Variants in VWC2L observed in about 807,000 individuals in gnomAD.
VWC2L encodes von Willebrand factor C domain containing 2 like.
In VWC2L, 10 loss-of-function variants were observed where a neutral mutation model predicts 21.6. The ratio of observed to expected loss-of-function variants is 0.46; its 90% CI spans 0.29 to 0.78. The LOEUF is 0.78. Ranked by LOEUF, VWC2L falls within the 30% of genes least tolerant of loss-of-function variation. VWC2L has a pLI of 0.10. For synonymous variants in VWC2L, 96 were observed against 94.3 expected (o/e 1.02, Z -0.10); for missense variants, 209 against 277.1 (o/e 0.75, Z 1.74).
intron 3 of VWC2L, among the ~76,000 whole-genome samples, chr2:214,555,999 T>C (rs781474145): frequency 6.6e-6 from 1 of 152,178 alleles, no homozygotes; most frequent in Non-Finnish European, 1.5e-5. Flanking sequence ...TGAGACAAAA[T>C]AGCACCTCCA....
chr2:214,460,688 TTTTG>T (rs1469552559), intron 3 of VWC2L, among the ~76,000 whole-genome samples: 5 of 152,224 alleles, frequency 3.3e-5, no homozygotes, highest in South Asian at 2.1e-4. Context: ...TTCTGATTTG[TTTTG>T]TTTATCTGGG....
At chr2:214,464,255 T>C (rs916565208) in intron 3 of VWC2L, among the ~76,000 whole-genome samples, 18 of 152,258 alleles carry the variant, frequency 1.2e-4, no homozygotes, top group Admixed American at 4.6e-4. Context: ...GTATTTATTG[T>C]AGTCTTCATA....
intron 3 of VWC2L, among the ~76,000 whole-genome samples, chr2:214,524,766 A>C (rs1689301725): frequency 1.3e-5 from 2 of 152,180 alleles, no homozygotes; most frequent in South Asian, 4.1e-4. Context: ...TTCAAATGAA[A>C]GACTGAACTC....
At chr2:214,569,116 A>G (rs1162764355) in intron 3 of VWC2L, among the ~76,000 whole-genome samples, 1 of 152,164 alleles carries the variant, frequency 6.6e-6, no homozygotes, top group African/African-American at 2.4e-5. Context: ...GATACTTCCA[A>G]TGCCTCAAAG....
intron 3 of VWC2L, chr2:214,525,172 A>T (rs1392019671): frequency 6.6e-6 from 1 of 152,042 alleles, no homozygotes; most frequent in Non-Finnish European, 1.5e-5. Flanking sequence ...ATTTTTCTTC[A>T]GGAAAAATCC....
intron 2 of VWC2L, among the ~76,000 whole-genome samples, chr2:214,434,442 A>G (rs952945205): frequency 6.6e-6 from 1 of 152,170 alleles, no homozygotes; most frequent in African/African-American, 2.4e-5. Context: ...ATCATGCACC[A>G]AACACCCAAG....
chr2:214,506,525 G>C (rs989141373), intron 3 of VWC2L, among the ~76,000 whole-genome samples: 1 of 152,034 alleles, frequency 6.6e-6, no homozygotes, highest in Non-Finnish European at 1.5e-5. Context: ...TTTCTGCAGA[G>C]CAATTTAGCT....
rs573329769 is a variant in VWC2L at position 214,436,531 on chromosome 2, C to A, written c.391-98C>A. On this transcript the variant is annotated intron_variant, in intron 2 of 3. Coordinates refer to ENST00000312504, the MANE Select transcript of VWC2L (RefSeq NM_001080500.4). ...GTAAATGGAATTAATACAGTAAAGC[C>A]AATATAATAAGCACTGATGTTTTGT... is the stretch of plus-strand genomic sequence containing the variant. 34 of 1,439,114 alleles carry A rather than the reference C, an allele frequency of 2.4e-5. No homozygotes were observed. In the East Asian group the frequency reaches 7.8e-4, roughly 33 times the overall value. 89.1% of individuals were successfully genotyped at this position (1,439,114 alleles called of 1,614,324 possible).
chr2:214,572,645 G>T (rs1234119542), intron 3 of VWC2L, among the ~76,000 whole-genome samples: 3 of 152,176 alleles, frequency 2.0e-5, no homozygotes, highest in Middle Eastern at 6.8e-3. Context: ...AAGGAAGAAG[G>T]GCTAAAACCA....
At chr2:214,495,620 G>A (rs939124526) in intron 3 of VWC2L, among the ~76,000 whole-genome samples, 1 of 152,062 alleles carries the variant, frequency 6.6e-6, no homozygotes, top group African/African-American at 2.4e-5. Context: ...TTCCTCATCT[G>A]TAAATGAGAA....
At chr2:214,523,726 G>A (rs1181687949) in intron 3 of VWC2L, among the ~76,000 whole-genome samples, 2 of 152,048 alleles carry the variant, frequency 1.3e-5, no homozygotes, top group East Asian at 1.9e-4. Flanking sequence ...GTAATTACTC[G>A]GGAGGCTGAG....
At chr2:214,525,925 C>T (rs1358877676) in intron 3 of VWC2L, among the ~76,000 whole-genome samples, 5 of 151,962 alleles carry the variant, frequency 3.3e-5, no homozygotes, top group East Asian at 1.9e-4. Context: ...TAGTACATAC[C>T]GCATACCATT....
intron 3 of VWC2L, among the ~76,000 whole-genome samples, chr2:214,442,114 G>T (rs76068159): frequency 0.13 from 19,743 of 152,032 alleles, 1,379 homozygotes; most frequent in East Asian, 0.24. Flanking sequence ...GTTTCACTGT[G>T]TTGGCCAGAC....
chr2:214,532,585 C>T (rs2105916722), intron 3 of VWC2L, among the ~76,000 whole-genome samples: 1 of 152,204 alleles, frequency 6.6e-6, no homozygotes, highest in South Asian at 2.1e-4. Flanking sequence ...AGAAGAAGGG[C>T]TAATATCCCT....
intron 3 of VWC2L, among the ~76,000 whole-genome samples, chr2:214,573,463 A>ATGTC (rs1475929016): frequency 3.3e-5 from 5 of 152,164 alleles, no homozygotes; most frequent in Non-Finnish European, 7.4e-5. Flanking sequence ...ACAAGGGGAC[A>ATGTC]GGTGGCAAGA....
chr2:214,412,067 G>A (rs570808302), intron 1 of VWC2L, among the ~76,000 whole-genome samples: 23 of 150,594 alleles, frequency 1.5e-4, no homozygotes, highest in African/African-American at 4.6e-4. Flanking sequence ...TTGTTATATT[G>A]AAAATAAAAT....
intron 3 of VWC2L, among the ~76,000 whole-genome samples, chr2:214,487,799 CATG>C (rs1416471909): frequency 1.3e-5 from 2 of 152,116 alleles, no homozygotes; most frequent in African/African-American, 4.8e-5. Flanking sequence ...CCTTGTAGGT[CATG>C]ATGTTTTTTG....
At chr2:214,498,358 T>A (rs1467923761) in intron 3 of VWC2L, among the ~76,000 whole-genome samples, 1 of 152,096 alleles carries the variant, frequency 6.6e-6, no homozygotes, top group Non-Finnish European at 1.5e-5. Flanking sequence ...AGTGTGTGGT[T>A]TCAAAACACT....
rs533846559 is a variant in VWC2L at position 214,532,852 on chromosome 2, G to A, written c.521-42820G>A. Among the ~76,000 whole-genome samples the A allele has an allele frequency of 5.3e-5, 8 of 151,998 alleles. 1 individual carries two copies. The highest frequency in any genetic ancestry group is 1.7e-4 in the African/African-American group (7 of 41,386). Reference sequence around the variant, plus strand: ...AGTCTTTGCTGCCTGAGACCGGATAGGAACAGCCAGAGGTAACCTCATTAG... The same window carrying A: ...AGTCTTTGCTGCCTGAGACCGGATAAGAACAGCCAGAGGTAACCTCATTAG... On this transcript the variant is annotated intron_variant, in intron 3 of 3. Coordinates refer to ENST00000312504, the MANE Select transcript of VWC2L (RefSeq NM_001080500.4).
Sources: gnomAD v4.1 joint callset for allele counts (sites outside exome capture counted in the v4.1 genomes callset) on GRCh38, gnomAD v4.1.1 for gene constraint, MANE v1.5 for transcripts, NCBI Gene and HGNC (gene_info 2026-07-23, HGNC 2026-07-21) for gene names.